ZC4H2: variants seen among roughly 807,000 people sequenced by gnomAD.
The protein encoded by ZC4H2 is zinc finger C4H2 domain-containing protein.
For synonymous variants in ZC4H2, 84 were observed against 66.3 expected (o/e 1.27, Z -1.30); for missense variants, 137 against 173.9 (o/e 0.79, Z 1.19).
At chrX:64,972,283 A>C (rs1602429964) in intron 1 of ZC4H2, among the ~76,000 whole-genome samples, 1 of 110,875 alleles carries the variant, frequency 9.0e-6, no homozygotes, top group Non-Finnish European at 1.9e-5. Context: ...GTGGTGGGAG[A>C]ATCTGCTTCT....
At chrX:64,942,927 T>G (rs1602402292) in intron 1 of ZC4H2, among the ~76,000 whole-genome samples, 2 of 112,193 alleles carry the variant, frequency 1.8e-5, no homozygotes, top group Middle Eastern at 4.6e-3. Context: ...AGGGTTGAAC[T>G]AATTTACACT....
intron 1 of ZC4H2, among the ~76,000 whole-genome samples, chrX:64,983,879 G>T (rs1195816992): frequency 8.9e-6 from 1 of 111,941 alleles, no homozygotes; most frequent in East Asian, 2.8e-4. Context: ...GGAATTCAAG[G>T]AATGTCTTCT....
chrX:64,956,479 G>A (rs1265272853), intron 1 of ZC4H2, among the ~76,000 whole-genome samples: 1 of 110,987 alleles, frequency 9.0e-6, no homozygotes, highest in Non-Finnish European at 1.9e-5. Context: ...GACAAGAGCT[G>A]AAAAAAATAT....
chrX:64,934,876 C>T (rs180927797), intron 1 of ZC4H2, among the ~76,000 whole-genome samples: 78 of 111,946 alleles, frequency 7.0e-4, no homozygotes, highest in African/African-American at 2.5e-3. Flanking sequence ...CCACCAGGAC[C>T]CTGGGTTTCC....
chrX:64,960,735 GA>G (rs1931358279), intron 1 of ZC4H2, among the ~76,000 whole-genome samples: 1 of 111,952 alleles, frequency 8.9e-6, no homozygotes, highest in Non-Finnish European at 1.9e-5. Flanking sequence ...AAATAAGCAG[GA>G]AAAATATAAC....
At chrX:64,978,976 C>A (rs1012592196), upstream of ZC4H2, among the ~76,000 whole-genome samples, 1 of 111,743 alleles carries the variant, frequency 8.9e-6, no homozygotes, top group African/African-American at 3.3e-5. Context: ...TATGTTCACA[C>A]ATCTGGTAAA....
intron 1 of ZC4H2, among the ~76,000 whole-genome samples, chrX:65,013,442 T>C (rs1294342379): frequency 8.9e-6 from 1 of 111,882 alleles, no homozygotes; most frequent in Non-Finnish European, 1.9e-5. Flanking sequence ...GGGATGTCAT[T>C]TCCTAGATTA....
chrX:64,917,822 G>A lies in ZC4H2; in HGVS notation c.636C>T (p.Ser212=), dbSNP rs1282172799. Residue 212 remains serine, a synonymous_variant, in exon 5 of 5, where the codon TCC becomes TCT. Transcript: ENST00000374839. ...TCCGTTTCGGCTTTTTGGGGTTCCG[G>A]GACCGACTCTTGGCCTTGCAAAGAG... ...ICPLCKAKSR[S]RNPKKPKRKQ... 3 of 1,211,111 alleles carry A rather than the reference G, an allele frequency of 2.5e-6. No homozygotes were observed. The highest frequency in any genetic ancestry group is 2.2e-6 in the Non-Finnish European group (2 of 895,328).
At position 64,951,440 on chromosome X, in the gene ZC4H2, C is replaced by T. The variant is rs1220228341; in HGVS notation, c.53+24885G>A. On this transcript the variant is annotated intron_variant, in intron 1 of 4. Transcript: ENST00000374839. Reference sequence around the variant, plus strand: ...CAACAGTGTAAAAGTGTTCCTATTTCTCCACATCCTCTCCAGCACCTGTTG... The same window carrying T: ...CAACAGTGTAAAAGTGTTCCTATTTTTCCACATCCTCTCCAGCACCTGTTG... Among the ~76,000 whole-genome samples, 3 of 111,793 alleles carry T rather than the reference C, an allele frequency of 2.7e-5. 1 individual carries two copies. The highest frequency in any genetic ancestry group is 6.5e-5 in the African/African-American group (2 of 30,661).
intron 1 of ZC4H2, among the ~76,000 whole-genome samples, chrX:65,004,194 C>T (rs934060419): frequency 6.3e-5 from 7 of 111,782 alleles, no homozygotes; most frequent in African/African-American, 2.3e-4. Context: ...CTATTCCAAA[C>T]AGTAGAAATA....
chrX:64,981,183 C>A (rs1011324697), upstream of ZC4H2, among the ~76,000 whole-genome samples: 1 of 111,141 alleles, frequency 9.0e-6, no homozygotes, highest in Middle Eastern at 4.7e-3. Context: ...CAGTTTATGT[C>A]ATTGAACTGT....
chrX:64,950,294 C>T (rs185042567), intron 1 of ZC4H2, among the ~76,000 whole-genome samples: 16 of 111,434 alleles, frequency 1.4e-4, no homozygotes, highest in East Asian at 1.4e-3. Context: ...GGAATAAGTG[C>T]GGTGTGGTGC....
intron 1 of ZC4H2, among the ~76,000 whole-genome samples, chrX:64,991,342 TC>T (rs1170004302): frequency 3.6e-5 from 4 of 111,854 alleles, no homozygotes; most frequent in African/African-American, 1.3e-4. Context: ...ATCCCAGTGG[TC>T]AATACTGGTT....
rs200994633 is a variant in ZC4H2, at chrX:65,007,132, CA to C, written c.-272+27496del. Among the ~76,000 whole-genome samples, 443 of 90,123 alleles carry C rather than the reference CA, an allele frequency of 4.9e-3. 11 individuals carry two copies. The highest frequency in any genetic ancestry group is 5.6e-3 in the African/African-American group (141 of 24,995). The allele number at this position is 90,123 out of a possible 115,157, so 78.3% of individuals were successfully genotyped here. A position where few individuals can be genotyped will look rare whatever the true frequency, so the allele number is the denominator to read the frequency against. On this transcript the variant is annotated intron_variant, in intron 1 of 4. Coordinates refer to the ZC4H2 transcript ENST00000337990. ...TAGGCACTAATAAATACTTGTTGTTCAAAAAAAAAAAAAGACAACTATTTTA... is the reference window on the plus strand; with the variant it reads ...TAGGCACTAATAAATACTTGTTGTTCAAAAAAAAAAAAGACAACTATTTTA...
At chrX:64,961,116 A>G (rs1361970253) in intron 1 of ZC4H2, among the ~76,000 whole-genome samples, 3 of 111,195 alleles carry the variant, frequency 2.7e-5, no homozygotes, top group Non-Finnish European at 5.7e-5. Flanking sequence ...TTCCTTATAT[A>G]GTTCAGTGTT....
chrX:64,998,948 A>T (rs1231899160), intron 1 of ZC4H2, among the ~76,000 whole-genome samples: 6 of 107,525 alleles, frequency 5.6e-5, no homozygotes, highest in Admixed American at 2.0e-4. Context: ...ATTTTCATTT[A>T]ATATGAATAT....
At chrX:65,005,023 A>G (rs938130255) in intron 1 of ZC4H2, among the ~76,000 whole-genome samples, 2 of 111,763 alleles carry the variant, frequency 1.8e-5, no homozygotes, top group African/African-American at 6.5e-5. Context: ...AAAACTTCAA[A>G]GGGATGTGAA....
intron 1 of ZC4H2, among the ~76,000 whole-genome samples, chrX:65,008,056 T>C (rs1240089850): frequency 9.0e-6 from 1 of 111,573 alleles, no homozygotes; most frequent in African/African-American, 3.3e-5. Flanking sequence ...ATTTGCAAAG[T>C]ACCTATCTGA....
At chrX:64,928,669 C>CTTCTT (rs1422095161) in intron 1 of ZC4H2, among the ~76,000 whole-genome samples, 2 of 99,917 alleles carry the variant, frequency 2.0e-5, no homozygotes, top group East Asian at 6.0e-4. Context: ...TCTTCTTCTT[C>CTTCTT]TTCTTCTTCT....
Sources: allele counts gnomAD v4.1 joint callset (sites outside exome capture counted in the v4.1 genomes callset), GRCh38; gene constraint gnomAD v4.1.1; transcripts MANE v1.5; gene names NCBI Gene and HGNC (gene_info 2026-07-23, HGNC 2026-07-21).